NUDT12: variants seen among roughly 807,000 people sequenced by gnomAD.
NUDT12 encodes the protein nudix hydrolase 12.
A neutral mutation model predicts 45.7 loss-of-function variants in NUDT12; 42 were observed. The ratio of observed to expected loss-of-function variants is 0.92; its 90% confidence interval spans 0.72 to 1.19. The LOEUF is 1.19. Among genes scored for constraint, NUDT12 ranks in the 50% most tolerant of loss-of-function variants. The probability of loss-of-function intolerance (pLI) is 0.00; values close to 1 mark genes in which losing one functional copy is unlikely to be tolerated. For missense variants in NUDT12, 590 were observed against 533.1 expected (o/e 1.11, Z -1.05); for synonymous variants, 206 against 179.7 (o/e 1.15, Z -1.17).
At chr5:103,560,297 GCTT>G (rs1344747553) in intron 1 of NUDT12, 43 bp from the exon 2 acceptor site, 8 of 1,236,800 alleles carry the variant, frequency 6.5e-6, no homozygotes, top group Non-Finnish European at 9.4e-6. Context: ...ATTTGCAACT[GCTT>G]TTTTATCAAT....
At chr5:103,558,795 C>T (rs531048945) in intron 3 of NUDT12, 84 bp downstream of exon 3, 5 of 858,216 alleles carry the variant, frequency 5.8e-6, no homozygotes, top group African/African-American at 3.5e-5. Context: ...AAAAAGAGTG[C>T]CCCTGGAAAG....
Position 103,559,481 on chromosome 5 carries a change from G to A in NUDT12, c.207-13C>T. 1.5e-6 allele frequency: 2 copies of A among 1,354,470 alleles called. No individual in the cohort carries two copies. The highest frequency in any genetic ancestry group is 1.9e-6 in the Non-Finnish European group (2 of 1,035,454). 83.9% of individuals were successfully genotyped at this position (1,354,470 alleles called of 1,614,324 possible). On this transcript the variant is annotated splice_polypyrimidine_tract_variant and intron_variant, in intron 2 of 6. Transcript: ENST00000230792. ...TGATCTGTCACACCTATAGATGGAA[G>A]AAAAAATTGGGGAGAAAAAGTAAAA...
At chr5:103,558,780 A>C in intron 3 of NUDT12, 99 bp downstream of exon 3, 1 of 746,776 alleles carries the variant, frequency 1.3e-6, no homozygotes, top group Non-Finnish European at 2.1e-6. Context: ...TTCACTGCTT[A>C]CTGGAAAAAG....
At chr5:103,555,868 C>G (rs1210116362) in intron 4 of NUDT12, 63 bp downstream of exon 4, 17 of 1,298,942 alleles carry the variant, frequency 1.3e-5, no homozygotes, top group Non-Finnish European at 1.6e-5. Context: ...CACAAATTTT[C>G]TCTTTCCAAA....
Position 103,559,258 on chromosome 5 carries a change from C to A in NUDT12, c.417G>T (p.Leu139=), listed in dbSNP as rs764908583. ...KSEKRNNSDW[L]LAKESHPATV... is the part of the protein sequence containing the mutation. ...TGGCTGGATGGCTTTCTTTAGCTAG[C>A]AGCCAGTCAGAATTATTTCTCTTTT... Residue 139 remains leucine (L), a synonymous_variant, in exon 3 of 7, where the codon CTG becomes CTT. Coordinates refer to ENST00000230792, the MANE Select transcript of NUDT12 (RefSeq NM_031438.4). 6.3e-7 allele frequency: 1 copy of A among 1,592,204 alleles called. No homozygotes were observed.
chr5:103,557,725 T>G (rs1442408081), intron 3 of NUDT12, among the ~76,000 whole-genome samples: 1 of 151,944 alleles, frequency 6.6e-6, no homozygotes, highest in African/African-American at 2.4e-5. Flanking sequence ...TCCTACCTCA[T>G]GGCCACACTG....
intron 4 of NUDT12, among the ~76,000 whole-genome samples, chr5:103,555,667 G>C (rs1025303224): frequency 6.6e-6 from 1 of 151,980 alleles, no homozygotes; most frequent in African/African-American, 2.4e-5. Flanking sequence ...TCTCCACTAA[G>C]TAGAGCCAAA....
chr5:103,551,076 G>A, intron 6 of NUDT12, 105 bp from the exon 7 acceptor site: 1 of 752,570 alleles, frequency 1.3e-6, no homozygotes, highest in Non-Finnish European at 2.2e-6. Flanking sequence ...GTTTTACAGT[G>A]AATAACAACA....
In NUDT12 at chr5:103,556,088, A is replaced by G; in HGVS notation, c.807T>C (p.Ala269=). 6.3e-7 allele frequency: 1 copy of G among 1,582,266 alleles called. No individual in the cohort carries two copies. Among genetic ancestry groups the G allele is most frequent in the Non-Finnish European group, 8.6e-7 (1 of 1,169,086 alleles). ...QLKEKEAGVV[A]QARSVLAWHS... is the part of the protein sequence containing the mutation. ...GCCAGGCAAGAACAGATCTTGCTTGAGCTACAACCCCTTCAAAAAAAAGAA... is the reference window on the plus strand; with the variant it reads ...GCCAGGCAAGAACAGATCTTGCTTGGGCTACAACCCCTTCAAAAAAAAGAA... The change falls in exon 4 of 7, where the codon GCT becomes GCC. Residue 269 remains alanine, a synonymous_variant. Transcript: ENST00000230792.
chr5:103,553,292 TA>T (rs1748713686), intron 5 of NUDT12, among the ~76,000 whole-genome samples: 1 of 151,638 alleles, frequency 6.6e-6, no homozygotes, highest in Non-Finnish European at 1.5e-5. Flanking sequence ...TTAAAATGAA[TA>T]AAAAAGGATA....
intron 2 of NUDT12, 185 bp from the exon 3 acceptor site, chr5:103,559,653 CAAA>C (rs1748968655): frequency 8.9e-6 from 4 of 447,400 alleles, no homozygotes; most frequent in African/African-American, 6.1e-5. Context: ...TCATAAATGA[CAAA>C]AAGTTAAGAG....
chr5:103,561,303 T>C (rs1052709958), intron 1 of NUDT12, among the ~76,000 whole-genome samples: 3 of 152,142 alleles, frequency 2.0e-5, no homozygotes, highest in Non-Finnish European at 4.4e-5. Flanking sequence ...GAAAGGGCGA[T>C]CTGGCTGATG....
chr5:103,561,632 G>A (rs962705609), intron 1 of NUDT12, among the ~76,000 whole-genome samples: 5 of 152,102 alleles, frequency 3.3e-5, no homozygotes, highest in Non-Finnish European at 7.3e-5. Context: ...CAAATTTTCA[G>A]GACTTTATTT....
rs768898845 is a variant in NUDT12 at position 103,559,219 on chromosome 5, A to G, written c.456T>C (p.Leu152=). 1 of 1,559,926 alleles carries G rather than the reference A, an allele frequency of 6.4e-7. No individual in the cohort carries two copies. The highest frequency in any genetic ancestry group is 1.4e-5 in the African/African-American group (1 of 72,690). ...TAACCAAGGGATTTAAATCTGAGAA[A>G]AGAATAAAAACTGTGGCTGGATGGC... ...KESHPATVFI[L]FSDLNPLVTL... Residue 152 remains leucine, a synonymous_variant, in exon 3 of 7, where the codon CTT becomes CTC. Coordinates refer to ENST00000230792, the MANE Select transcript of NUDT12 (RefSeq NM_031438.4).
intron 3 of NUDT12, 120 bp downstream of exon 3, chr5:103,558,759 G>C: frequency 3.1e-6 from 2 of 654,108 alleles, no homozygotes; most frequent in Non-Finnish European, 2.6e-6. Flanking sequence ...TTCTGATGAA[G>C]ACAGTCTAAT....
intron 2 of NUDT12, 86 bp downstream of exon 2, chr5:103,559,957 T>G: frequency 1.1e-6 from 1 of 912,018 alleles, no homozygotes; most frequent in Non-Finnish European, 1.8e-6. Context: ...AATATAAATA[T>G]GGAAACAAGC....
chr5:103,554,726 A>G lies in NUDT12; in HGVS notation c.1078+14T>C. ...AATTATAAATTAAATATAAATTATT[A>G]AGAAATGGCTTACCAGGCTCAATAA... On this transcript the variant is annotated intron_variant, in intron 5 of 6. Transcript: ENST00000230792. 9.6e-7 allele frequency: 1 copy of G among 1,042,970 alleles called. No homozygotes were observed. The allele number at this position is 1,042,970 out of a possible 1,614,324, so 64.6% of individuals were successfully genotyped here.
At position 103,549,489 on chromosome 5, in the gene NUDT12, T is replaced by C. The variant is rs527519663; in HGVS notation, c.*1372A>G. The stretch of plus-strand genomic sequence containing the variant: ...ATTCCTTCTTTTAATTTTGTCTATA[T>C]ATATTTTTAGTAATAGCTTCTAGTT... On this transcript the variant is annotated 3_prime_UTR_variant, in exon 7 of 7. Coordinates refer to ENST00000230792, the MANE Select transcript of NUDT12 (RefSeq NM_031438.4). 6.6e-6 allele frequency: 1 copy of C among 152,114 alleles called. No individual in the cohort carries two copies. Among genetic ancestry groups the C allele is most frequent in the East Asian group, 1.9e-4 (1 of 5,188 alleles). The allele number at this position is 152,114 out of a possible 1,614,324, so 9.4% of individuals were successfully genotyped here.
chr5:103,554,645 A>G (rs755265867), intron 5 of NUDT12, 95 bp downstream of exon 5: 7 of 430,210 alleles, frequency 1.6e-5, no homozygotes, highest in Non-Finnish European at 2.4e-5. Flanking sequence ...GAGTTTTATA[A>G]CATGATAATT....
Sources: gnomAD v4.1 joint callset for allele counts (sites outside exome capture counted in the v4.1 genomes callset) on GRCh38, gnomAD v4.1.1 for gene constraint, MANE v1.5 for transcripts, NCBI Gene and HGNC (gene_info 2026-07-23, HGNC 2026-07-21) for gene names.